HNF1A: variants seen among roughly 807,000 people sequenced by gnomAD.
HNF1A encodes the protein hepatocyte nuclear factor 1-alpha.
Under a neutral mutation model 62.2 loss-of-function variants are expected in HNF1A, and 21 were observed. The ratio of observed to expected loss-of-function variants is 0.34; its 90% confidence interval spans 0.24 to 0.49. The LOEUF (loss-of-function observed/expected upper bound fraction) is 0.49. Ranked by LOEUF, HNF1A falls within the 20% of genes least tolerant of loss-of-function variation. HNF1A has a pLI of 0.99. For synonymous variants in HNF1A, 374 were observed against 366.8 expected (o/e 1.02, Z -0.22); for missense variants, 687 against 832.3 (o/e 0.83, Z 2.15).
chr12:120,980,045 C>T (rs946359301), intron 1 of HNF1A, among the ~76,000 whole-genome samples: 5 of 152,114 alleles, frequency 3.3e-5, no homozygotes, highest in East Asian at 1.9e-4. Context: ...CACCCTACAG[C>T]GCCTGCTTGA....
At chr12:120,980,352 G>T (rs1005104285) in intron 1 of HNF1A, among the ~76,000 whole-genome samples, 1 of 152,022 alleles carries the variant, frequency 6.6e-6, no homozygotes, top group African/African-American at 2.4e-5. Context: ...TCTGTCCAAG[G>T]TCCTGATCCC....
chr12:120,993,768 G>C (rs1257311865), intron 3 of HNF1A, 62 bp downstream of exon 3: 33 of 1,550,952 alleles, frequency 2.1e-5, no homozygotes, highest in Middle Eastern at 1.7e-4. Context: ...CCAGGGAAGG[G>C]GAAGGTGACT....
chr12:120,997,979 T>A, intron 7 of HNF1A: 1 of 608,848 alleles, frequency 1.6e-6, no homozygotes, highest in South Asian at 1.9e-5. Flanking sequence ...TCTATTCAGA[T>A]TTTAGAAAGG....
chr12:120,982,735 C>T (rs763231150), intron 1 of HNF1A, among the ~76,000 whole-genome samples: 5 of 152,088 alleles, frequency 3.3e-5, no homozygotes, highest in African/African-American at 9.7e-5. Flanking sequence ...AGTGCCTTAC[C>T]GAACGAAACT....
intron 9 of HNF1A, among the ~76,000 whole-genome samples, chr12:121,000,078 A>G (rs1197758659): frequency 2.0e-5 from 3 of 146,800 alleles, no homozygotes; most frequent in African/African-American, 7.3e-5. Flanking sequence ...ATATTCCCAT[A>G]TAACAGTGCA....
rs199945468 is a variant in HNF1A at position 120,978,746 on chromosome 12, C to T, written c.-23C>T. ...CGGCTAGCGTGGTGGACCCGGGCCG[C>T]GTGGCCCTGTGGCAGCCGAGCCATG... On this transcript the variant is annotated 5_prime_UTR_variant, in exon 1 of 10. Transcript: ENST00000257555. The T allele has an allele frequency of 1.3e-5, 21 of 1,610,700 alleles. No individual in the cohort carries two copies. Among genetic ancestry groups the T allele is most frequent in the South Asian group, 8.8e-5 (8 of 91,008 alleles).
chr12:120,986,782 T>C (rs1302307033), intron 1 of HNF1A, among the ~76,000 whole-genome samples: 1 of 152,170 alleles, frequency 6.6e-6, no homozygotes, highest in Non-Finnish European at 1.5e-5. Context: ...TAGAGATGGT[T>C]TTCTCCATGT....
At chr12:120,986,830 C>A (rs1417276235) in intron 1 of HNF1A, among the ~76,000 whole-genome samples, 1 of 152,134 alleles carries the variant, frequency 6.6e-6, no homozygotes, top group Non-Finnish European at 1.5e-5. Flanking sequence ...CTCAAAAGAC[C>A]CGCCCACCTT....
chr12:120,987,786 C>A (rs1248046598), intron 1 of HNF1A, among the ~76,000 whole-genome samples: 1 of 151,886 alleles, frequency 6.6e-6, no homozygotes, highest in Non-Finnish European at 1.5e-5. Flanking sequence ...ATCTATCTAT[C>A]TATCTATCTA....
At chr12:120,999,852 G>A (rs1877338773) in intron 9 of HNF1A, among the ~76,000 whole-genome samples, 1 of 152,200 alleles carries the variant, frequency 6.6e-6, no homozygotes, top group Non-Finnish European at 1.5e-5. Flanking sequence ...GAACATCTCA[G>A]GGACTGGACT....
Position 120,996,803 on chromosome 12 carries a change from C to A in HNF1A, c.1309+61C>A. On this transcript the variant is annotated intron_variant, in intron 6 of 9. Coordinates refer to ENST00000257555, the MANE Select transcript of HNF1A (RefSeq NM_000545.8). The surrounding 1 kb of genome is among the most constrained non-coding windows in gnomAD (Gnocchi z 4.5). Reference sequence around the variant, plus strand: ...AGGCTCATGGGGCAACCGCAGAATCCAGGAGCTGGAAGAGCCACTGGGACT... The same window carrying A: ...AGGCTCATGGGGCAACCGCAGAATCAAGGAGCTGGAAGAGCCACTGGGACT... The A allele has an allele frequency of 6.3e-7, 1 of 1,596,090 alleles. No individual in the cohort carries two copies. The highest frequency in any genetic ancestry group is 1.1e-5 in the South Asian group (1 of 88,586).
chr12:120,980,154 T>C (rs907474658), intron 1 of HNF1A, among the ~76,000 whole-genome samples: 4 of 152,114 alleles, frequency 2.6e-5, no homozygotes, highest in African/African-American at 9.7e-5. Flanking sequence ...TGACTCTGCT[T>C]CACAAATGGG....
chr12:120,982,226 C>T (rs990090269), intron 1 of HNF1A, among the ~76,000 whole-genome samples: 6 of 151,998 alleles, frequency 3.9e-5, no homozygotes, highest in East Asian at 1.9e-4. Flanking sequence ...TGCACCACCA[C>T]GCCTGGCTGA....
At chr12:120,982,526 T>C (rs1346493725) in intron 1 of HNF1A, among the ~76,000 whole-genome samples, 2 of 152,140 alleles carry the variant, frequency 1.3e-5, no homozygotes, top group African/African-American at 4.8e-5. Context: ...TAATCCTAGC[T>C]CTGCCCCTTT....
rs1448713770 is a variant in HNF1A, at chr12:121,000,888, G to C, written c.1769-177G>C. 33 of 791,748 alleles carry C rather than the reference G, an allele frequency of 4.2e-5. No individual in the cohort carries two copies. The Admixed American group carries it at 6.1e-4, about 15-fold the overall frequency. The allele number at this position is 791,748 out of a possible 1,614,324, so 49.0% of individuals were successfully genotyped here. A position where few individuals can be genotyped will look rare whatever the true frequency, so the allele number is the denominator to read the frequency against. On this transcript the variant is annotated intron_variant, in intron 9 of 9. Coordinates refer to ENST00000257555, the MANE Select transcript of HNF1A (RefSeq NM_000545.8). ...CACTCCATGGGCGGCCGTGGACCCT[G>C]GCTGGGAGGCTCCCTTTGAAGAACC...
rs1324772504 is a variant in HNF1A, at chr12:121,001,698, C to T, written c.*506C>T. 2.1e-6 allele frequency: 1 copy of T among 486,000 alleles called. No individual in the cohort carries two copies. Among genetic ancestry groups the T allele is most frequent in the East Asian group, 4.0e-5 (1 of 25,208 alleles). 30.1% of individuals were successfully genotyped at this position (486,000 alleles called of 1,614,324 possible). On this transcript the variant is annotated 3_prime_UTR_variant, in exon 10 of 10. Transcript: ENST00000257555. Reference sequence around the variant, plus strand: ...CACTCCTTCCTGCCCCAACTCCTTCCAGCTAGTGACCCACATGCCATTTGT... The same window carrying T: ...CACTCCTTCCTGCCCCAACTCCTTCTAGCTAGTGACCCACATGCCATTTGT...
intron 7 of HNF1A, among the ~76,000 whole-genome samples, chr12:120,998,575 G>A (rs1159705209): frequency 6.6e-6 from 1 of 152,120 alleles, no homozygotes; most frequent in Non-Finnish European, 1.5e-5. Context: ...GTGTGTACAT[G>A]GTTGAGAGTG....
rs200639058 is a variant in HNF1A, at chr12:120,999,321, C to T, written c.1555C>T (p.Pro519Ser). The change falls in exon 8 of 10, where the codon CCG becomes TCG. Residue 519 changes from proline to serine, a missense_variant. Pro to Ser is a moderately conservative substitution (Grantham distance 74). Transcript: ENST00000257555. The stretch of plus-strand genomic sequence containing the variant: ...CCAGTACACCCACACGGGCCTGCTC[C>T]CGCAGACTATGCTCATCACCGACAC... ...VAQYTHTGLL[P>S]QTMLITDTTN... 8 of 1,614,006 alleles carry T rather than the reference C, an allele frequency of 5.0e-6. No individual in the cohort carries two copies. The Admixed American group carries it at 1.3e-4, about 27-fold the overall frequency.
Position 120,978,763 on chromosome 12 carries a change from C to T in HNF1A, c.-6C>T, listed in dbSNP as rs779387337. On this transcript the variant is annotated 5_prime_UTR_variant, in exon 1 of 10. Transcript: ENST00000257555. Reference sequence around the variant, plus strand: ...CCGGGCCGCGTGGCCCTGTGGCAGCCGAGCCATGGTTTCTAAACTGAGCCA... The same window carrying T: ...CCGGGCCGCGTGGCCCTGTGGCAGCTGAGCCATGGTTTCTAAACTGAGCCA... 19 of 1,612,112 alleles carry T rather than the reference C, an allele frequency of 1.2e-5. No individual in the cohort carries two copies. The highest frequency in any genetic ancestry group is 6.7e-5 in the East Asian group (3 of 44,870).
Sources: gnomAD v4.1 joint callset for allele counts (sites outside exome capture counted in the v4.1 genomes callset) on GRCh38, gnomAD v4.1.1 for gene constraint, Gnocchi (gnomAD v3.1) non-coding constraint, MANE v1.5 for transcripts, NCBI Gene and HGNC (gene_info 2026-07-23, HGNC 2026-07-21) for gene names.